Variants in BRPF3 observed in about 807,000 individuals in gnomAD.
BRPF3 encodes bromodomain and PHD finger containing 3.
In BRPF3, 18 loss-of-function variants were observed where a neutral mutation model predicts 102.0. The observed-to-expected ratio is 0.18, with a 90% CI of 0.12 to 0.26. BRPF3 has a LOEUF of 0.26. Among genes scored for constraint, BRPF3 ranks in the 10% least tolerant of loss-of-function variants. The probability of loss-of-function intolerance (pLI) is 1.00; values close to 1 mark genes in which losing one functional copy is unlikely to be tolerated. For synonymous variants in BRPF3, 570 were observed against 614.2 expected (o/e 0.93, Z 1.06); for missense variants, 1,147 against 1,567.8 (o/e 0.73, Z 4.53).
chr6:36,207,633 T>C (rs1767952503), intron 4 of BRPF3, among the ~76,000 whole-genome samples, 189 bp downstream of exon 4: 1 of 152,198 alleles, frequency 6.6e-6, no homozygotes, highest in African/African-American at 2.4e-5. Flanking sequence ...TTTCTATAGT[T>C]TGGATTTCAG....
intron 11 of BRPF3, 119 bp downstream of exon 11, chr6:36,225,483 G>GA: frequency 1.1e-6 from 1 of 879,912 alleles, no homozygotes; most frequent in South Asian, 1.8e-5. Flanking sequence ...GTAGAGGGGA[G>GA]GGGGGTTTTG....
At chr6:36,209,265 A>G (rs1768010119) in intron 4 of BRPF3, among the ~76,000 whole-genome samples, 1 of 152,240 alleles carries the variant, frequency 6.6e-6, no homozygotes. Flanking sequence ...TTGAGGTAAT[A>G]CAAGTACAGA....
In BRPF3 at chr6:36,200,283, C is replaced by T. The variant is rs765523099; in HGVS notation, c.-26-14C>T. ...GGGCATCCAACTCATAGTCTCCTGGCCTTCTCTCCTTAGGCCTGTCCCCTC... is the reference window on the plus strand; with the variant it reads ...GGGCATCCAACTCATAGTCTCCTGGTCTTCTCTCCTTAGGCCTGTCCCCTC... On this transcript the variant is annotated splice_polypyrimidine_tract_variant and intron_variant, in intron 1 of 12. Coordinates refer to ENST00000357641, the MANE Select transcript of BRPF3 (RefSeq NM_015695.3). This position sits in a 1 kb window ranked among gnomAD's most constrained non-coding sequence, Gnocchi z 5.3. 6.3e-7 allele frequency: 1 copy of T among 1,577,824 alleles called. No individual in the cohort carries two copies. Among genetic ancestry groups the T allele is most frequent in the South Asian group, 1.2e-5 (1 of 85,490 alleles).
Position 36,201,087 on chromosome 6 carries a change from A to C in BRPF3, c.765A>C (p.Leu255=). Residue 255 remains leucine, a synonymous_variant, in exon 2 of 13, where the codon CTA becomes CTC. Transcript: ENST00000357641. This position sits in a 1 kb window ranked among gnomAD's most constrained non-coding sequence, Gnocchi z 5.1. The part of the protein sequence containing the change: ...GVPYIPEGQW[L]CRCCLQSPSR... ...CATACATCCCTGAGGGCCAGTGGCT[A>C]TGCCGCTGCTGCCTGCAGTCTCCCT... 1 of 1,614,064 alleles carries C rather than the reference A, an allele frequency of 6.2e-7. No homozygotes were observed. Among genetic ancestry groups the C allele is most frequent in the African/African-American group, 1.3e-5 (1 of 75,014 alleles).
intron 8 of BRPF3, 59 bp from the exon 9 acceptor site, chr6:36,217,858 T>C: frequency 6.7e-7 from 1 of 1,501,382 alleles, no homozygotes; most frequent in Non-Finnish European, 9.2e-7. Context: ...CCTCACCCTG[T>C]AGCATGTGTT....
At chr6:36,217,169 C>T (rs577461379) in intron 8 of BRPF3, among the ~76,000 whole-genome samples, 10 of 152,176 alleles carry the variant, frequency 6.6e-5, no homozygotes, top group Non-Finnish European at 1.2e-4. Context: ...TTCTCTCATA[C>T]ATACTGAATA....
chr6:36,226,407 C>T (rs1221732294), intron 11 of BRPF3, among the ~76,000 whole-genome samples: 1 of 152,178 alleles, frequency 6.6e-6, no homozygotes, highest in Non-Finnish European at 1.5e-5. Context: ...CCACCTAGCT[C>T]TGGAAGATAC....
intron 8 of BRPF3, among the ~76,000 whole-genome samples, chr6:36,217,269 A>C (rs1249904334): frequency 6.6e-6 from 1 of 152,206 alleles, no homozygotes; most frequent in Non-Finnish European, 1.5e-5. Flanking sequence ...TTCAGAGCCC[A>C]GCCTAGAACC....
At chr6:36,218,545 C>T (rs547752983) in intron 9 of BRPF3, among the ~76,000 whole-genome samples, 16 of 151,620 alleles carry the variant, frequency 1.1e-4, no homozygotes, top group Admixed American at 7.2e-4. Flanking sequence ...CTGCAACCTC[C>T]GCCTCCTGGG....
rs1767709150 is a variant in BRPF3, at chr6:36,201,716, A to G, written c.1394A>G (p.Gln465Arg). The change falls in exon 2 of 13, where the codon CAA becomes CGA. Residue 465 changes from glutamine (Q) to arginine (R), a missense_variant. Around this residue, in one of 11 missense-constraint regions of BRPF3, gnomAD observed 157 missense variants for 163.6 expected, o/e 0.96. Coordinates refer to ENST00000357641, the MANE Select transcript of BRPF3 (RefSeq NM_015695.3). This position sits in a 1 kb window ranked among gnomAD's most constrained non-coding sequence, Gnocchi z 5.1. ...AAGAAGGAGCCAGAGGAAGCAGGCC[A>G]AGACACACCCTCCACTCTCCCCATG... ...KIKKEPEEAG[Q>R]DTPSTLPMLA... 1.9e-6 allele frequency: 3 copies of G among 1,613,700 alleles called. No individual in the cohort carries two copies. The highest frequency in any genetic ancestry group is 2.5e-6 in the Non-Finnish European group (3 of 1,179,824).
chr6:36,218,461 CTTT>C (rs547108095), intron 9 of BRPF3, among the ~76,000 whole-genome samples: 4 of 134,426 alleles, frequency 3.0e-5, no homozygotes, highest in Admixed American at 7.6e-5. Context: ...TTGGAATTGC[CTTT>C]TTTTTTTTTT....
chr6:36,211,486 C>T lies in BRPF3; in HGVS notation c.2408C>T (p.Pro803Leu). The change falls in exon 7 of 13, where the codon CCA (proline) becomes CTA (leucine). Residue 803 changes from proline to leucine, a missense_variant. Around this residue, in one of 11 missense-constraint regions of BRPF3, gnomAD observed 379 missense variants for 426.3 expected, o/e 0.89. Coordinates refer to ENST00000357641, the MANE Select transcript of BRPF3 (RefSeq NM_015695.3). Reference sequence around the variant, plus strand: ...AAGACAGTATCCAATGGGGAGCTGCCAGCAGGGCCCCAGGGGGATGCAGCT... The same window carrying T: ...AAGACAGTATCCAATGGGGAGCTGCTAGCAGGGCCCCAGGGGGATGCAGCT... ...LNKTVSNGEL[P>L]AGPQGDAAVL... 1.3e-6 allele frequency: 2 copies of T among 1,581,752 alleles called. No individual in the cohort carries two copies. Among genetic ancestry groups the T allele is most frequent in the Non-Finnish European group, 1.7e-6 (2 of 1,163,786 alleles).
Position 36,231,776 on chromosome 6 carries a change from C to A in BRPF3, c.*1167C>A, listed in dbSNP as rs1340942971. 1 of 152,552 alleles carries A rather than the reference C, an allele frequency of 6.6e-6. No homozygotes were observed. The highest frequency in any genetic ancestry group is 1.5e-5 in the Non-Finnish European group (1 of 68,056). 9.4% of individuals were successfully genotyped at this position (152,552 alleles called of 1,614,324 possible). A position where few individuals can be genotyped will look rare whatever the true frequency, so the allele number is the denominator to read the frequency against. Reference sequence around the variant, plus strand: ...GCCTCCTTCCTTCTTTCTCTTCAACCCCCTCCCCACCTTCACCTTCTCAAA... The same window carrying A: ...GCCTCCTTCCTTCTTTCTCTTCAACACCCTCCCCACCTTCACCTTCTCAAA... On this transcript the variant is annotated 3_prime_UTR_variant, in exon 13 of 13. Transcript: ENST00000357641.
intron 11 of BRPF3, among the ~76,000 whole-genome samples, chr6:36,227,932 A>T (rs1353686946): frequency 6.6e-6 from 1 of 152,218 alleles, no homozygotes; most frequent in African/African-American, 2.4e-5. Flanking sequence ...CCACTGGGAC[A>T]GCGTATAGGA....
chr6:36,204,582 T>C, intron 2 of BRPF3, 76 bp from the exon 3 acceptor site: 4 of 1,541,900 alleles, frequency 2.6e-6, no homozygotes, highest in Non-Finnish European at 3.6e-6. Context: ...ATGAACCAGG[T>C]CTGGATAGGA....
chr6:36,219,726 T>C (rs374766365), intron 9 of BRPF3, among the ~76,000 whole-genome samples: 1 of 152,240 alleles, frequency 6.6e-6, no homozygotes, highest in Non-Finnish European at 1.5e-5. Context: ...AGGCTTCAAC[T>C]GCAAGGGTTG....
intron 1 of BRPF3, chr6:36,197,312 C>G (rs1298766981): frequency 2.6e-5 from 4 of 152,272 alleles, no homozygotes; most frequent in Non-Finnish European, 5.9e-5. Context: ...CTGGGTCCCT[C>G]TGACGGGCAG....
chr6:36,221,607 A>G (rs1768545808), intron 9 of BRPF3, among the ~76,000 whole-genome samples: 1 of 152,064 alleles, frequency 6.6e-6, no homozygotes, highest in South Asian at 2.1e-4. Flanking sequence ...TAAAAAATCC[A>G]CTTCTCTCTA....
chr6:36,224,480 A>G (rs1768664857), intron 10 of BRPF3, among the ~76,000 whole-genome samples: 1 of 152,236 alleles, frequency 6.6e-6, no homozygotes, highest in Non-Finnish European at 1.5e-5. Context: ...TTCTGACAAA[A>G]GAAGGCATGT....
Sources: allele counts gnomAD v4.1 joint callset (sites outside exome capture counted in the v4.1 genomes callset), GRCh38; gene constraint gnomAD v4.1.1; regional missense constraint gnomAD v4.1.1; non-coding constraint Gnocchi (gnomAD v3.1); transcripts MANE v1.5; gene names NCBI Gene and HGNC (gene_info 2026-07-23, HGNC 2026-07-21).